RIMS1: variants seen among roughly 807,000 people sequenced by gnomAD.
RIMS1 encodes regulating synaptic membrane exocytosis 1.
In RIMS1, 83 loss-of-function variants were observed where a neutral mutation model predicts 214.1. The observed-to-expected ratio is 0.39, with a 90% CI of 0.32 to 0.47. The LOEUF is 0.47. RIMS1 is among the 20% of genes least tolerant of loss of function. The pLI, the probability that RIMS1 is intolerant of heterozygous loss-of-function variation, is 0.99. For synonymous variants in RIMS1, 793 were observed against 786.8 expected (o/e 1.01, Z -0.13); for missense variants, 2,050 against 2,161.8 (o/e 0.95, Z 1.03).
At position 72,157,051 on chromosome 6, in the gene RIMS1, C is replaced by T. The variant is rs1455795384; in HGVS notation, c.472-22524C>T. ...CTGATGCTTAAAAAAGCAATCTGTCCGTACTTAGGAATGCTGGAATAAAAA... is the reference window on the plus strand; with the variant it reads ...CTGATGCTTAAAAAAGCAATCTGTCTGTACTTAGGAATGCTGGAATAAAAA... On this transcript the variant is annotated intron_variant, in intron 4 of 33. Transcript: ENST00000521978. Among the ~76,000 whole-genome samples the T allele has an allele frequency of 2.1e-5, 3 of 139,942 alleles. 1 individual carries two copies. Among genetic ancestry groups the T allele is most frequent in the Non-Finnish European group, 4.9e-5 (3 of 61,602 alleles). 91.8% of individuals were successfully genotyped at this position (139,942 alleles called of 152,430 possible).
chr6:72,170,604 A>T (rs1159429821), intron 4 of RIMS1, among the ~76,000 whole-genome samples: 1 of 151,914 alleles, frequency 6.6e-6, no homozygotes, highest in Non-Finnish European at 1.5e-5. Flanking sequence ...CAGCCTCCCA[A>T]AGTGCTGGGA....
At chr6:72,214,814 T>G (rs1345366954) in intron 6 of RIMS1, among the ~76,000 whole-genome samples, 1 of 151,946 alleles carries the variant, frequency 6.6e-6, no homozygotes, top group Admixed American at 6.6e-5. Context: ...CTCTGTCTCC[T>G]GGGTTCAAGC....
chr6:72,068,979 GC>G (rs1257102160), intron 2 of RIMS1, among the ~76,000 whole-genome samples: 3 of 148,636 alleles, frequency 2.0e-5, no homozygotes, highest in Non-Finnish European at 4.5e-5. Context: ...ACTGAAGCAA[GC>G]AGAGGAAGAG....
chr6:72,091,319 A>G (rs777881513), intron 2 of RIMS1, among the ~76,000 whole-genome samples: 1 of 152,254 alleles, frequency 6.6e-6, no homozygotes. Flanking sequence ...AGAAAGGTAG[A>G]ATTTTCTCCT....
chr6:72,016,537 A>G (rs1162912598), intron 2 of RIMS1, among the ~76,000 whole-genome samples: 2 of 152,202 alleles, frequency 1.3e-5, no homozygotes, highest in Admixed American at 6.5e-5. Context: ...TGTTCTTTCC[A>G]TCTTATTCAG....
rs775018237 is a variant in RIMS1, at chr6:72,251,294, T to C, written c.2624T>C (p.Leu875Pro). Reference sequence around the variant, plus strand: ...CTTCAGACACATGATGAGTCTTCACTACCTCTGCCTCAGCCATCACCTTTC... The same window carrying C: ...CTTCAGACACATGATGAGTCTTCACCACCTCTGCCTCAGCCATCACCTTTC... ...YKLQTHDESS[L>P]PLPQPSPFMP... Residue 875 changes from leucine (L) to proline (P), a missense_variant, in exon 15 of 34, where the codon CTA becomes CCA. By Grantham distance (98) the Leu-to-Pro change is moderately conservative. Around this residue, in one of 6 missense-constraint regions of RIMS1, gnomAD observed 889 missense variants for 885.5 expected, o/e 1.00. Transcript: ENST00000521978. 15 of 1,599,662 alleles carry C rather than the reference T, an allele frequency of 9.4e-6. No homozygotes were observed. Among genetic ancestry groups the C allele is most frequent in the Non-Finnish European group, 1.2e-5 (14 of 1,172,540 alleles).
intron 1 of RIMS1, among the ~76,000 whole-genome samples, chr6:71,961,227 C>A (rs1226272239): frequency 6.6e-6 from 1 of 152,112 alleles, no homozygotes. Flanking sequence ...ATGGAGATGG[C>A]CATTATGGTC....
chr6:72,360,232 G>C (rs1437215229), intron 29 of RIMS1, among the ~76,000 whole-genome samples: 3 of 152,124 alleles, frequency 2.0e-5, no homozygotes, highest in Non-Finnish European at 4.4e-5. Context: ...AGCTTTTGTA[G>C]TATTTTGATT....
At chr6:72,029,493 C>G (rs1289065740) in intron 2 of RIMS1, among the ~76,000 whole-genome samples, 1 of 152,050 alleles carries the variant, frequency 6.6e-6, no homozygotes, top group African/African-American at 2.4e-5. Flanking sequence ...CATGTAAGGA[C>G]ACAGCAAGAA....
chr6:71,888,843 C>T (rs1040432860), intron 1 of RIMS1, among the ~76,000 whole-genome samples: 7 of 152,202 alleles, frequency 4.6e-5, no homozygotes, highest in South Asian at 2.1e-4. Context: ...TTAAGCCTGC[C>T]GGCTTGAGGG....
At chr6:72,244,478 G>A (rs931343401) in intron 10 of RIMS1, among the ~76,000 whole-genome samples, 10 of 151,764 alleles carry the variant, frequency 6.6e-5, no homozygotes, top group Non-Finnish European at 1.2e-4. Context: ...TTCAAATTCT[G>A]ATTTCATAAT....
At chr6:71,917,846 AGGT>A (rs1423016395) in intron 1 of RIMS1, among the ~76,000 whole-genome samples, 1 of 152,156 alleles carries the variant, frequency 6.6e-6, no homozygotes. Context: ...ATTTTCTTAT[AGGT>A]TTGATTTAGT....
intron 2 of RIMS1, among the ~76,000 whole-genome samples, chr6:72,069,735 A>C (rs1830151196): frequency 6.6e-6 from 1 of 152,126 alleles, no homozygotes; most frequent in South Asian, 2.1e-4. Context: ...GCGTAGGCCA[A>C]TTGTATGATT....
intron 4 of RIMS1, among the ~76,000 whole-genome samples, chr6:72,119,445 A>G (rs554189612): frequency 1.3e-5 from 2 of 151,958 alleles, no homozygotes; most frequent in African/African-American, 4.8e-5. Context: ...AGAATTAGAA[A>G]ACACAATTCT....
At chr6:72,366,910 A>AGTTT in intron 29 of RIMS1, 1 of 945,058 alleles carries the variant, frequency 1.1e-6, no homozygotes, top group Non-Finnish European at 1.3e-6. Flanking sequence ...TTATAAGGGG[A>AGTTT]GTTTGTTTAT....
intron 2 of RIMS1, 144 bp from the exon 3 acceptor site, chr6:72,096,805 T>G (rs1188865834): frequency 5.8e-6 from 4 of 685,376 alleles, no homozygotes; most frequent in Non-Finnish European, 1.0e-5. Flanking sequence ...AAGGTAAGGT[T>G]AGTGGGGAAA....
chr6:72,302,114 A>G (rs929256712), intron 26 of RIMS1, among the ~76,000 whole-genome samples: 1 of 151,584 alleles, frequency 6.6e-6, no homozygotes, highest in African/African-American at 2.4e-5. Context: ...AAATTCTGTA[A>G]TGGAGGGATA....
At chr6:72,203,088 C>T (rs936605969) in intron 6 of RIMS1, among the ~76,000 whole-genome samples, 19 of 152,072 alleles carry the variant, frequency 1.2e-4, no homozygotes, top group Admixed American at 3.3e-4. Context: ...CCTAGGTTCA[C>T]GCCATTCTCC....
chr6:72,041,026 A>G (rs990615077), intron 2 of RIMS1, among the ~76,000 whole-genome samples: 1 of 151,870 alleles, frequency 6.6e-6, no homozygotes, highest in African/African-American at 2.4e-5. Flanking sequence ...GACCTTTAAT[A>G]TTTGTTTTTA....
Sources: allele counts gnomAD v4.1 joint callset (sites outside exome capture counted in the v4.1 genomes callset), GRCh38; gene constraint gnomAD v4.1.1; regional missense constraint gnomAD v4.1.1; transcripts MANE v1.5; gene names NCBI Gene and HGNC (gene_info 2026-07-23, HGNC 2026-07-21).